Variants in B3GAT1 observed in about 807,000 individuals in gnomAD.
B3GAT1 encodes the protein beta-1,3-glucuronyltransferase 1.
B3GAT1 carries 11 observed loss-of-function variants against 28.4 expected under a neutral mutation model. The observed-to-expected ratio is 0.39, with a 90% confidence interval of 0.24 to 0.64. The LOEUF (loss-of-function observed/expected upper bound fraction) is 0.64, where lower values mean the gene tolerates loss of function less well. Ranked by LOEUF, B3GAT1 falls within the 30% of genes least tolerant of loss-of-function variation. B3GAT1 has a pLI of 0.50. For missense variants in B3GAT1, 375 were observed against 491.0 expected, an observed-to-expected ratio of 0.76 and a Z score of 2.23; for synonymous variants, 255 against 223.1, an observed-to-expected ratio of 1.14 and a Z score of -1.27.
Position 134,387,917 on chromosome 11 carries a change from T to G in B3GAT1, c.-258A>C, listed in dbSNP as rs1326085269. Reference sequence around the variant, plus strand: ...AGGGGTCGCTGTCCAGGGGCAGGGGTCAGGAACCCTGGGGGGTGGACACCT... The same window carrying G: ...AGGGGTCGCTGTCCAGGGGCAGGGGGCAGGAACCCTGGGGGGTGGACACCT... On this transcript the variant is annotated 5_prime_UTR_variant, in exon 2 of 6. The change abolishes the stop of an existing upstream ORF in the 5' untranslated region. Coordinates refer to ENST00000312527, the MANE Select transcript of B3GAT1 (RefSeq NM_054025.3). 1.4e-6 allele frequency: 2 copies of G among 1,465,496 alleles called. No homozygotes were observed. Among genetic ancestry groups the G allele is most frequent in the Non-Finnish European group, 1.8e-6 (2 of 1,096,560 alleles). The allele number at this position is 1,465,496 out of a possible 1,614,324, so 90.8% of individuals were successfully genotyped here. A position where few individuals can be genotyped will look rare whatever the true frequency, so the allele number is the denominator to read the frequency against.
chr11:134,401,335 C>T (rs918680181), intron 1 of B3GAT1, among the ~76,000 whole-genome samples: 1 of 152,182 alleles, frequency 6.6e-6, no homozygotes, highest in East Asian at 1.9e-4. Context: ...AAGCTTGGTG[C>T]CCATCAGCAG....
chr11:134,397,793 G>C (rs551840634), intron 1 of B3GAT1, among the ~76,000 whole-genome samples: 2 of 152,342 alleles, frequency 1.3e-5, no homozygotes, highest in African/African-American at 4.8e-5. Flanking sequence ...TCCATGCCCT[G>C]CCTGCTCCTC....
At chr11:134,389,934 A>G (rs1944374539) in intron 1 of B3GAT1, 1 of 151,892 alleles carries the variant, frequency 6.6e-6, no homozygotes, top group Non-Finnish European at 1.5e-5. Context: ...GACGGCCGGC[A>G]TCCCCTCCAT....
intron 2 of B3GAT1, chr11:134,386,707 C>T (rs1028501043): frequency 2.6e-5 from 4 of 152,222 alleles, no homozygotes; most frequent in African/African-American, 7.2e-5. Flanking sequence ...ATTCCTCCCC[C>T]ACCATCCACT....
chr11:134,405,347 C>T (rs1008439552), intron 1 of B3GAT1, among the ~76,000 whole-genome samples: 3 of 152,232 alleles, frequency 2.0e-5, no homozygotes, highest in Non-Finnish European at 4.4e-5. Flanking sequence ...CAGCCCCAAA[C>T]CCAGGTCTGA....
Position 134,396,449 on chromosome 11 carries a change from C to T in B3GAT1, c.-281-8509G>A, listed in dbSNP as rs566860988. Among the ~76,000 whole-genome samples the T allele has an allele frequency of 2.6e-5, 4 of 152,286 alleles. No homozygotes were observed. The South Asian group carries it at 8.3e-4, about 32-fold the overall frequency. Reference sequence around the variant, plus strand: ...CCTGGAAGAGCCATGCATGGAGGGGCCCTGCGATGCAGAAAGGTTCTGAAC... The same window carrying T: ...CCTGGAAGAGCCATGCATGGAGGGGTCCTGCGATGCAGAAAGGTTCTGAAC... On this transcript the variant is annotated intron_variant, in intron 1 of 5. Transcript: ENST00000312527.
intron 1 of B3GAT1, among the ~76,000 whole-genome samples, chr11:134,405,334 G>A (rs891376333): frequency 1.3e-5 from 2 of 152,218 alleles, no homozygotes; most frequent in Non-Finnish European, 2.9e-5. Context: ...GGTAGGCACC[G>A]GGCAGCCCCA....
At chr11:134,406,830 C>A (rs993153936) in intron 1 of B3GAT1, among the ~76,000 whole-genome samples, 1 of 152,126 alleles carries the variant, frequency 6.6e-6, no homozygotes, top group African/African-American at 2.4e-5. Flanking sequence ...CTGAATCCAG[C>A]CAGTAGGACC....
At position 134,411,497 on chromosome 11, in the gene B3GAT1, C is replaced by G. The variant is rs995124331; in HGVS notation, c.-282+310G>C. ...ACCTGCTGAGGGGGCCGGGAACTGA[C>G]GACTGAGAGCCCGGGCCGATTGTTA... On this transcript the variant is annotated intron_variant, in intron 1 of 5. Coordinates refer to ENST00000312527, the MANE Select transcript of B3GAT1 (RefSeq NM_054025.3). This position sits in a 1 kb window ranked among gnomAD's most constrained non-coding sequence, Gnocchi z 6.0. 3.9e-5 allele frequency among the ~76,000 whole-genome samples: 6 copies of G among 152,096 alleles called. No homozygotes were observed. Among genetic ancestry groups the G allele is most frequent in the Non-Finnish European group, 7.4e-5 (5 of 67,992 alleles).
At chr11:134,391,717 G>C (rs1294546724) in intron 1 of B3GAT1, 1 of 152,504 alleles carries the variant, frequency 6.6e-6, no homozygotes, top group Non-Finnish European at 1.5e-5. Flanking sequence ...CAGTGTGTGT[G>C]AGTGTAGGGC....
intron 3 of B3GAT1, 125 bp from the exon 4 acceptor site, chr11:134,383,131 G>A: frequency 9.2e-7 from 1 of 1,088,352 alleles, no homozygotes; most frequent in East Asian, 2.6e-5. Context: ...GGCCACCTAG[G>A]GGGTGTCCAG....
chr11:134,386,266 T>A (rs1944282883), intron 2 of B3GAT1: 1 of 152,262 alleles, frequency 6.6e-6, no homozygotes, highest in Non-Finnish European at 1.5e-5. Flanking sequence ...GGACACTGCC[T>A]GCATCTTGGG....
rs753919037 is a variant in B3GAT1, at chr11:134,383,872, G to A, written c.429C>T (p.His143=). The change falls in exon 3 of 6, where the codon CAC becomes CAT. Residue 143 remains histidine (H), a synonymous_variant. Transcript: ENST00000312527. ...LLRDTGLNYT[H]LHVETPRNYK... Reference sequence around the variant, plus strand: ...AGTTGCGGGGCGTCTCCACGTGCAGGTGCGTGTAGTTGAGGCCGGTGTCGC... The same window carrying A: ...AGTTGCGGGGCGTCTCCACGTGCAGATGCGTGTAGTTGAGGCCGGTGTCGC... The A allele has an allele frequency of 3.8e-6, 6 of 1,596,906 alleles. No individual in the cohort carries two copies. Among genetic ancestry groups the A allele is most frequent in the Non-Finnish European group, 5.1e-6 (6 of 1,175,126 alleles).
In B3GAT1 at chr11:134,411,670, GCACA is replaced by G. The variant is rs149891710; in HGVS notation, c.-282+133_-282+136del. 16,880 of 144,440 alleles carry G rather than the reference GCACA, an allele frequency of 0.12. 1,004 individuals carry two copies. Among genetic ancestry groups the G allele is most frequent in the Non-Finnish European group, 0.15 (9,593 of 65,338 alleles). 8.9% of individuals were successfully genotyped at this position (144,440 alleles called of 1,614,324 possible). A position where few individuals can be genotyped will look rare whatever the true frequency, so the allele number is the denominator to read the frequency against. Reference sequence around the variant, plus strand: ...TCCAGCTGCCCCCAGCGCGCGCAGCGCACACACACACACACACACACACACACAC... The same window carrying G: ...TCCAGCTGCCCCCAGCGCGCGCAGCGCACACACACACACACACACACACAC... On this transcript the variant is annotated intron_variant, in intron 1 of 5. Coordinates refer to ENST00000312527, the MANE Select transcript of B3GAT1 (RefSeq NM_054025.3). This position sits in a 1 kb window ranked among gnomAD's most constrained non-coding sequence, Gnocchi z 6.0.
Position 134,393,727 on chromosome 11 carries a change from C to T in B3GAT1, c.-281-5787G>A, listed in dbSNP as rs1045273003. On this transcript the variant is annotated intron_variant, in intron 1 of 5. Transcript: ENST00000312527. The surrounding 1 kb of genome is among the most constrained non-coding windows in gnomAD (Gnocchi z 4.0). ...AACCGGCGTCACTGACTCTTGAGGG[C>T]GTGGGCTCAGTGGTGACAGCAGAGG... Among the ~76,000 whole-genome samples the T allele has an allele frequency of 1.3e-5, 2 of 152,162 alleles. No homozygotes were observed. Among genetic ancestry groups the T allele is most frequent in the Non-Finnish European group, 1.5e-5 (1 of 68,030 alleles).
Position 134,411,515 on chromosome 11 carries a change from G to T in B3GAT1, c.-282+292C>A, listed in dbSNP as rs895046646. On this transcript the variant is annotated intron_variant, in intron 1 of 5. Coordinates refer to ENST00000312527, the MANE Select transcript of B3GAT1 (RefSeq NM_054025.3). The surrounding 1 kb of genome is among the most constrained non-coding windows in gnomAD (Gnocchi z 6.0). ...GAACTGACGACTGAGAGCCCGGGCC[G>T]ATTGTTAGAAGCTGCTGAGAACCAG... is the stretch of plus-strand genomic sequence containing the variant. Among the ~76,000 whole-genome samples the T allele has an allele frequency of 6.6e-6, 1 of 152,122 alleles. No homozygotes were observed. Among genetic ancestry groups the T allele is most frequent in the African/African-American group, 2.4e-5 (1 of 41,434 alleles).
chr11:134,399,759 C>G (rs1021285637), intron 1 of B3GAT1, among the ~76,000 whole-genome samples: 3 of 152,174 alleles, frequency 2.0e-5, no homozygotes, highest in Admixed American at 2.0e-4. Context: ...CAGCAAGGGT[C>G]TCTCGTGATG....
At chr11:134,402,786 G>A (rs1591649312) in intron 1 of B3GAT1, among the ~76,000 whole-genome samples, 1 of 152,008 alleles carries the variant, frequency 6.6e-6, no homozygotes, top group South Asian at 2.1e-4. Flanking sequence ...TGTGGCAGGT[G>A]CCTATAATCC....
chr11:134,404,008 TATATATATATA>T lies in B3GAT1; in HGVS notation c.-282+7788_-282+7798del, dbSNP rs1565459307. Among the ~76,000 whole-genome samples the T allele has an allele frequency of 6.1e-5, 6 of 98,002 alleles. 1 individual carries two copies. Among genetic ancestry groups the T allele is most frequent in the African/African-American group, 2.2e-4 (6 of 27,728 alleles). 64.3% of individuals were successfully genotyped at this position (98,002 alleles called of 152,430 possible). A position where few individuals can be genotyped will look rare whatever the true frequency, so the allele number is the denominator to read the frequency against. On this transcript the variant is annotated intron_variant, in intron 1 of 5. Transcript: ENST00000312527. ...TTATATATATATATATATATATATA[TATATATATATA>T]TATATATATATTTATTATACGTTAA... is the stretch of plus-strand genomic sequence containing the variant.
Sources: allele counts gnomAD v4.1 joint callset (sites outside exome capture counted in the v4.1 genomes callset), GRCh38; gene constraint gnomAD v4.1.1; non-coding constraint Gnocchi (gnomAD v3.1); transcripts MANE v1.5; gene names NCBI Gene and HGNC (gene_info 2026-07-23, HGNC 2026-07-21).